OVCH1: variants seen among roughly 807,000 people sequenced by gnomAD.
OVCH1 encodes the protein ovochymase 1.
OVCH1 carries 139 observed loss-of-function variants against 138.4 expected under a neutral mutation model. That is an observed-to-expected ratio of 1.00 (90% CI 0.87 to 1.16). The LOEUF is 1.16. OVCH1 is among the 50% of genes most tolerant of loss of function. The pLI is 0.00. For missense variants in OVCH1, 1,367 were observed against 1,357.9 expected (o/e 1.01, Z -0.11); for synonymous variants, 453 against 467.8 (o/e 0.97, Z 0.41).
chr12:29,431,711 T>G (rs1418285050), intron 27 of OVCH1, among the ~76,000 whole-genome samples: 1 of 152,192 alleles, frequency 6.6e-6, no homozygotes, highest in Non-Finnish European at 1.5e-5. Flanking sequence ...ACAAAATGAG[T>G]CAGATCTTGA....
intron 22 of OVCH1, among the ~76,000 whole-genome samples, chr12:29,447,666 A>G (rs1941655835): frequency 1.3e-5 from 2 of 152,156 alleles, no homozygotes; most frequent in African/African-American, 4.8e-5. Context: ...CCAATGTAAC[A>G]GACAATGACT....
At chr12:29,459,843 C>T (rs1054382366) in intron 19 of OVCH1, among the ~76,000 whole-genome samples, 5 of 152,138 alleles carry the variant, frequency 3.3e-5, no homozygotes, top group South Asian at 2.1e-4. Context: ...CAGGATACTA[C>T]GTTGCGTATC....
downstream of OVCH1, among the ~76,000 whole-genome samples, chr12:29,408,017 C>T (rs571378902): frequency 3.6e-5 from 5 of 140,464 alleles, no homozygotes; most frequent in South Asian, 1.2e-3. Flanking sequence ...TGAAGAGGTC[C>T]TTCACATCCC....
At chr12:29,476,908 T>C (rs371392645) in intron 12 of OVCH1, among the ~76,000 whole-genome samples, 194 bp downstream of exon 12, 8 of 152,070 alleles carry the variant, frequency 5.3e-5, no homozygotes, top group African/African-American at 1.4e-4. Flanking sequence ...TTACTTTTCA[T>C]TGGATACACT....
intron 19 of OVCH1, among the ~76,000 whole-genome samples, chr12:29,457,236 TTGATTTTTTTCAGTACCAA>T (rs1219944419): frequency 6.6e-6 from 1 of 152,168 alleles, no homozygotes; most frequent in African/African-American, 2.4e-5. Flanking sequence ...TTTTAAATCA[TTGATTTTTTTCAGTACCAA>T]TGCATAGCCA....
At chr12:29,431,058 T>C (rs1489343962) in intron 27 of OVCH1, among the ~76,000 whole-genome samples, 1 of 152,220 alleles carries the variant, frequency 6.6e-6, no homozygotes, top group African/African-American at 2.4e-5. Flanking sequence ...ATTAAACTTT[T>C]ATAACATATT....
chr12:29,471,854 C>A, exon 16 of OVCH1: 1 of 1,613,032 alleles, frequency 6.2e-7, no homozygotes, highest in Non-Finnish European at 8.5e-7. Flanking sequence ...ATGATGGCAC[C>A]TCCACATTGG....
chr12:29,436,286 C>T (rs1592036594), intron 26 of OVCH1, among the ~76,000 whole-genome samples: 3 of 90 alleles, frequency 0.033, no homozygotes, highest in South Asian at 0.5. Context: ...AAAGTTGAGA[C>T]ACCCAGTACT....
At chr12:29,412,259 C>T (rs969234911), downstream of OVCH1, among the ~76,000 whole-genome samples, 5 of 152,264 alleles carry the variant, frequency 3.3e-5, no homozygotes, top group South Asian at 6.2e-4. Flanking sequence ...TTGCACTTCC[C>T]GAGTGAGGCA....
intron 6 of OVCH1, among the ~76,000 whole-genome samples, chr12:29,488,620 C>CAAAAAAAAAAAAAAAAAAAAAAAAAAAAA (rs67595567): frequency 4.5e-4 from 28 of 61,728 alleles, no homozygotes; most frequent in Non-Finnish European, 6.1e-4. Context: ...GACTCCATCT[C>CAAAAAAAAAAAAAAAAAAAAAAAAAAAAA]AAAAAAAAAA....
At chr12:29,477,211 G>A in exon 12 of OVCH1, 2 of 1,613,778 alleles carry the variant, frequency 1.2e-6, no homozygotes, top group Non-Finnish European at 1.7e-6. Context: ...TACCAATATA[G>A]CCAGACTCCC....
At chr12:29,417,633 A>G (rs955745778) in intron 3 of OVCH1, among the ~76,000 whole-genome samples, 2 of 152,088 alleles carry the variant, frequency 1.3e-5, no homozygotes, top group Non-Finnish European at 2.9e-5. Context: ...TAAATCTAAA[A>G]TTATTTCAAT....
At chr12:29,434,031 T>C (rs1351140016) in intron 26 of OVCH1, among the ~76,000 whole-genome samples, 2 of 152,172 alleles carry the variant, frequency 1.3e-5, no homozygotes, top group African/African-American at 4.8e-5. Flanking sequence ...CTCTATGATA[T>C]CCGATTTCTA....
chr12:29,489,182 A>G (rs1943205839), intron 6 of OVCH1, among the ~76,000 whole-genome samples: 1 of 152,228 alleles, frequency 6.6e-6, no homozygotes, highest in African/African-American at 2.4e-5. Context: ...GATTGTAGTT[A>G]TTCCCAATAT....
At chr12:29,433,803 A>T in exon 27 of OVCH1, 1 of 1,410,140 alleles carries the variant, frequency 7.1e-7, no homozygotes, top group Non-Finnish European at 9.5e-7. Context: ...AACACTTCTT[A>T]CATTATCATA....
chr12:29,424,856 A>G (rs1941156989), downstream of OVCH1, among the ~76,000 whole-genome samples: 1 of 152,246 alleles, frequency 6.6e-6, no homozygotes, highest in Non-Finnish European at 1.5e-5. Context: ...AAAGTATTAT[A>G]CATATTTGTT....
intron 14 of OVCH1, among the ~76,000 whole-genome samples, chr12:29,474,074 T>TACACACATAC (rs1942613403): frequency 6.9e-6 from 1 of 145,192 alleles, no homozygotes; most frequent in Non-Finnish European, 1.5e-5. Context: ...CACACACACA[T>TACACACATAC]ACACACACAC....
At chr12:29,471,232 T>A (rs1013487797) in intron 16 of OVCH1, among the ~76,000 whole-genome samples, 3 of 152,206 alleles carry the variant, frequency 2.0e-5, no homozygotes, top group African/African-American at 7.2e-5. Flanking sequence ...GTATATTATT[T>A]CATATAATGG....
chr12:29,410,742 C>T (rs1393245743), downstream of OVCH1, among the ~76,000 whole-genome samples: 3 of 151,856 alleles, frequency 2.0e-5, no homozygotes, highest in African/African-American at 4.8e-5. Flanking sequence ...CTGCCCTTAA[C>T]ATTTTTTCCT....
Sources: allele counts gnomAD v4.1 joint callset (sites outside exome capture counted in the v4.1 genomes callset), GRCh38; gene constraint gnomAD v4.1.1; transcripts MANE v1.5; gene names NCBI Gene and HGNC (gene_info 2026-07-23, HGNC 2026-07-21).